The following TDRD12 variants were observed in gnomAD, a reference collection of about 807,000 sequenced individuals.
TDRD12 encodes putative ATP-dependent RNA helicase TDRD12.
In TDRD12, 158 loss-of-function variants were observed where a neutral mutation model predicts 133.5. That is an observed-to-expected ratio of 1.18 (90% CI 1.04 to 1.35). TDRD12 has a LOEUF of 1.35. Among genes scored for constraint, TDRD12 ranks in the 40% most tolerant of loss-of-function variants. The pLI, the probability that TDRD12 is intolerant of heterozygous loss-of-function variation, is 0.00. For missense variants in TDRD12, 1,443 were observed against 1,321.3 expected (o/e 1.09, Z -1.43); for synonymous variants, 460 against 477.9 (o/e 0.96, Z 0.49).
chr19:32,729,883 C>G (rs1968992747), intron 1 of TDRD12, among the ~76,000 whole-genome samples: 1 of 149,414 alleles, frequency 6.7e-6, no homozygotes, highest in East Asian at 2.0e-4. Context: ...CTCCACCACC[C>G]GGTTTCACAC....
chr19:32,800,987 C>T (rs1971370980), intron 18 of TDRD12, among the ~76,000 whole-genome samples: 1 of 151,868 alleles, frequency 6.6e-6, no homozygotes, highest in Non-Finnish European at 1.5e-5. Context: ...GGCTTTTCCT[C>T]TGCAGCAGCG....
Position 32,815,626 on chromosome 19 carries a change from T to C in TDRD12, c.3314+6T>C. 6.6e-7 allele frequency: 1 copy of C among 1,526,476 alleles called. No individual in the cohort carries two copies. Among genetic ancestry groups the C allele is most frequent in the Non-Finnish European group, 8.7e-7 (1 of 1,143,454 alleles). 94.6% of individuals were successfully genotyped at this position (1,526,476 alleles called of 1,614,324 possible). On this transcript the variant is annotated splice_donor_region_variant and intron_variant, in intron 26 of 27. Coordinates refer to ENST00000444215, the Ensembl canonical transcript of TDRD12. ...GAAAGCCTAAGCCAGACCCCGTAAG[T>C]GGATTTCTGTCTCCTTTTTGGAAGA...
At chr19:32,742,691 T>C (rs1220750013) in intron 3 of TDRD12, 90 bp from the exon 4 acceptor site, 2 of 1,278,348 alleles carry the variant, frequency 1.6e-6, no homozygotes, top group Non-Finnish European at 2.1e-6. Context: ...TTGTTTTACA[T>C]TAAGTGTATT....
At chr19:32,803,273 C>A in intron 21 of TDRD12, 131 bp downstream of exon 21, 1 of 662,366 alleles carries the variant, frequency 1.5e-6, no homozygotes, top group Non-Finnish European at 2.5e-6. Flanking sequence ...TGGGGGTTCC[C>A]TCGCACTCTT....
chr19:32,731,761 G>A (rs1186946699), exon 2 of TDRD12: 2 of 1,548,112 alleles, frequency 1.3e-6, no homozygotes, highest in East Asian at 2.4e-5. Flanking sequence ...TATTATAAAA[G>A]GGTGTAGTCC....
intron 4 of TDRD12, among the ~76,000 whole-genome samples, chr19:32,743,586 A>G (rs961941504): frequency 4.6e-5 from 7 of 152,044 alleles, no homozygotes; most frequent in Non-Finnish European, 1.0e-4. Flanking sequence ...AATTTTCTCC[A>G]GGCCCACATC....
intron 4 of TDRD12, among the ~76,000 whole-genome samples, chr19:32,748,096 G>A (rs1466283464): frequency 6.6e-6 from 1 of 152,078 alleles, no homozygotes; most frequent in African/African-American, 2.4e-5. Flanking sequence ...CATGTGTCGC[G>A]CCCTCTCTGT....
intron 21 of TDRD12, among the ~76,000 whole-genome samples, chr19:32,807,221 C>G (rs1971575478): frequency 7.8e-6 from 1 of 128,254 alleles, no homozygotes; most frequent in Non-Finnish European, 1.5e-5. Flanking sequence ...GAGACATGAT[C>G]TTGCCACTGC....
intron 2 of TDRD12, 111 bp downstream of exon 2, chr19:32,731,994 C>A: frequency 8.9e-7 from 1 of 1,123,622 alleles, no homozygotes; most frequent in Non-Finnish European, 1.2e-6. Flanking sequence ...GTTTCTTACA[C>A]TCAGTGCCTT....
intron 11 of TDRD12, among the ~76,000 whole-genome samples, chr19:32,778,910 T>A (rs1347975618): frequency 2.0e-5 from 3 of 152,220 alleles, no homozygotes; most frequent in Non-Finnish European, 4.4e-5. Flanking sequence ...CAACATCAGT[T>A]ATCCTGTCAG....
intron 8 of TDRD12, among the ~76,000 whole-genome samples, chr19:32,768,438 G>A (rs1240251154): frequency 6.7e-6 from 1 of 149,356 alleles, no homozygotes; most frequent in Non-Finnish European, 1.5e-5. Context: ...TGCCCAAGCT[G>A]GAGTGCAGTG....
At chr19:32,743,411 C>T (rs577398218) in intron 4 of TDRD12, among the ~76,000 whole-genome samples, 134 of 150,528 alleles carry the variant, frequency 8.9e-4, no homozygotes, top group African/African-American at 3.2e-3. Flanking sequence ...CTCCCCTGCT[C>T]CCTTCTTGCT....
At position 32,777,192 on chromosome 19, in the gene TDRD12, G is replaced by GAGAAGAA; in HGVS notation, c.1089_1095dup (p.Tyr366GlufsTer4). 1 of 1,542,860 alleles carries GAGAAGAA rather than the reference G, an allele frequency of 6.5e-7. No individual in the cohort carries two copies. The highest frequency in any genetic ancestry group is 8.7e-7 in the Non-Finnish European group (1 of 1,144,552). On this transcript the variant is annotated frameshift_variant, in exon 11 of 28. Coordinates refer to ENST00000444215, the Ensembl canonical transcript of TDRD12. LOFTEE classifies it high-confidence loss of function. The stretch of plus-strand genomic sequence containing the variant: ...AAATGAGAAACCTCTTAGATTGACT[G>GAGAAGAA]AGAAGAAAGAATATGATGAGAAGAA...
intron 4 of TDRD12, among the ~76,000 whole-genome samples, chr19:32,747,292 G>T (rs1969681664): frequency 6.6e-6 from 1 of 152,150 alleles, no homozygotes; most frequent in Non-Finnish European, 1.5e-5. Context: ...AATTCTTTGT[G>T]TGTAACAAGG....
downstream of TDRD12, chr19:32,826,079 T>G (rs1006158676): frequency 3.9e-6 from 6 of 1,534,300 alleles, no homozygotes; most frequent in African/African-American, 5.5e-5. Flanking sequence ...TAGGAAAATA[T>G]GACCTTGATT....
chr19:32,812,745 A>C (rs150334672), intron 24 of TDRD12, among the ~76,000 whole-genome samples: 1 of 152,214 alleles, frequency 6.6e-6, no homozygotes, highest in Admixed American at 6.5e-5. Context: ...TCCTGTGTAC[A>C]TTCTTCTGAA....
intron 8 of TDRD12, among the ~76,000 whole-genome samples, chr19:32,769,135 AGAG>A (rs746256712): frequency 1.4e-4 from 22 of 152,122 alleles, no homozygotes; most frequent in Non-Finnish European, 2.6e-4. Flanking sequence ...GGTATTTTTC[AGAG>A]GAGAAGTTTT....
chr19:32,724,290 A>G (rs1052231986), intron 1 of TDRD12, among the ~76,000 whole-genome samples: 5 of 152,188 alleles, frequency 3.3e-5, no homozygotes, highest in Non-Finnish European at 5.9e-5. Context: ...ATAGATAGAC[A>G]TGTGCCATGT....
In TDRD12 at chr19:32,800,155, C is replaced by A; in HGVS notation, c.1759-12C>A. 1 of 1,373,814 alleles carries A rather than the reference C, an allele frequency of 7.3e-7. No individual in the cohort carries two copies. The highest frequency in any genetic ancestry group is 9.8e-7 in the Non-Finnish European group (1 of 1,021,770). The allele number at this position is 1,373,814 out of a possible 1,614,324, so 85.1% of individuals were successfully genotyped here. A position where few individuals can be genotyped will look rare whatever the true frequency, so the allele number is the denominator to read the frequency against. ...TGAAATAAAAATGAAATTAATTATG[C>A]TAATTTTTCAGATGTTTGCTATATT... On this transcript the variant is annotated splice_polypyrimidine_tract_variant and intron_variant, in intron 16 of 27. Coordinates refer to ENST00000444215, the Ensembl canonical transcript of TDRD12.
Sources: gnomAD v4.1 joint callset for allele counts (sites outside exome capture counted in the v4.1 genomes callset) on GRCh38, gnomAD v4.1.1 for gene constraint, MANE v1.5 for transcripts, NCBI Gene and HGNC (gene_info 2026-07-23, HGNC 2026-07-21) for gene names.